Variants in LYPD8 observed in about 807,000 individuals in gnomAD.
LYPD8 encodes LY6/PLAUR domain containing 8.
LYPD8 carries 8 observed loss-of-function variants against 1.7 expected under a neutral mutation model. That is an observed-to-expected ratio of 4.58 (90% confidence interval 2.69 to 8.27). LYPD8 has a LOEUF of 8.27. Among genes scored for constraint, LYPD8 ranks in the 30% most tolerant of loss-of-function variants. The pLI is 0.00. For synonymous variants in LYPD8, 50 were observed against 43.6 expected, an observed-to-expected ratio of 1.15 and a Z score of -0.58; for missense variants, 112 against 102.3, an observed-to-expected ratio of 1.09 and a Z score of -0.41.
intron 4 of LYPD8, among the ~76,000 whole-genome samples, chr1:248,749,261 A>T (rs920626391): frequency 6.6e-6 from 1 of 152,180 alleles, no homozygotes; most frequent in Non-Finnish European, 1.5e-5. Context: ...AAAATGGGGG[A>T]TTTGGCTGGG....
At chr1:248,752,823 TCACACACACCACACCCCACA>T (rs1662833896) in intron 2 of LYPD8, among the ~76,000 whole-genome samples, 1 of 22,702 alleles carries the variant, frequency 4.4e-5, no homozygotes, top group Non-Finnish European at 7.5e-5. Context: ...ACACATCACA[TCACACACACCACACCCCACA>T]CACACACACC....
At chr1:248,741,482 C>T (rs929545524) in intron 6 of LYPD8, among the ~76,000 whole-genome samples, 7 of 152,236 alleles carry the variant, frequency 4.6e-5, no homozygotes, top group Non-Finnish European at 7.3e-5. Flanking sequence ...GCTGGGATTA[C>T]AGGCGTGAGC....
At chr1:248,754,846 A>G (rs972169798) in intron 2 of LYPD8, among the ~76,000 whole-genome samples, 2 of 151,750 alleles carry the variant, frequency 1.3e-5, no homozygotes, top group East Asian at 1.9e-4. Context: ...GCACCCCTAC[A>G]TGCCCGGGTG....
intron 6 of LYPD8, among the ~76,000 whole-genome samples, chr1:248,740,965 A>G (rs2103165038): frequency 6.6e-6 from 1 of 152,272 alleles, no homozygotes; most frequent in South Asian, 2.1e-4. Context: ...CAAAAAATTA[A>G]GTTATCCAGG....
intron 5 of LYPD8, among the ~76,000 whole-genome samples, chr1:248,746,588 C>T (rs1272567760): frequency 2.0e-5 from 3 of 149,908 alleles, no homozygotes; most frequent in Admixed American, 6.6e-5. Context: ...GGGCATCGCC[C>T]GCACGGCCAG....
chr1:248,743,482 A>G (rs1662659184), intron 6 of LYPD8, among the ~76,000 whole-genome samples: 1 of 152,194 alleles, frequency 6.6e-6, no homozygotes, highest in East Asian at 1.9e-4. Flanking sequence ...CAAAAAGACA[A>G]CAACCGAAAT....
intron 2 of LYPD8, among the ~76,000 whole-genome samples, chr1:248,754,047 CACAA>C (rs1459942194): frequency 6.7e-6 from 1 of 149,022 alleles, no homozygotes; most frequent in Non-Finnish European, 1.5e-5. Context: ...CATCACATGT[CACAA>C]ACACCACACA....
chr1:248,755,730 C>G lies in LYPD8; in HGVS notation c.-223G>C, dbSNP rs1662910824. 1 of 152,306 alleles carries G rather than the reference C, an allele frequency of 6.6e-6. No homozygotes were observed. 9.4% of individuals were successfully genotyped at this position (152,306 alleles called of 1,614,324 possible). On this transcript the variant is annotated 5_prime_UTR_variant, in exon 1 of 7. Coordinates refer to ENST00000590317, the MANE Select transcript of LYPD8 (RefSeq NM_001085474.2). ...CTTCTGGATCTGGCCTGGTGACTGT[C>G]CTACAGAAGGTGGTTCCCAGTAGAG...
At position 248,739,999 on chromosome 1, in the gene LYPD8, C is replaced by T. The variant is rs781938145; in HGVS notation, c.476-150G>A. The T allele has an allele frequency of 1.6e-5, 16 of 1,001,342 alleles. No individual in the cohort carries two copies. Among genetic ancestry groups the T allele is most frequent in the South Asian group, 1.3e-4 (8 of 61,770 alleles). 62.0% of individuals were successfully genotyped at this position (1,001,342 alleles called of 1,614,324 possible). On this transcript the variant is annotated intron_variant, in intron 6 of 6. Transcript: ENST00000590317. This position sits in a 1 kb window ranked among gnomAD's most constrained non-coding sequence, Gnocchi z 4.3. ...AGCCCAGGCAGGAAGAAGGAGCCTG[C>T]GTGTTCAGAGTCAAGAACACCACGC...
At chr1:248,752,906 C>A (rs1662838962) in intron 2 of LYPD8, among the ~76,000 whole-genome samples, 1 of 107,302 alleles carries the variant, frequency 9.3e-6, no homozygotes, top group South Asian at 3.1e-4. Context: ...ATCACACACA[C>A]CCCACACACC....
chr1:248,745,091 G>A (rs1662707352), intron 6 of LYPD8, 51 bp downstream of exon 6: 1 of 397,894 alleles, frequency 2.5e-6, no homozygotes, highest in Non-Finnish European at 4.4e-6. Context: ...ACCAAGACTT[G>A]ACATGTTTCC....
chr1:248,750,588 A>C lies in LYPD8; in HGVS notation c.108T>G (p.Ile36Met). Residue 36 changes from isoleucine (I) to methionine (M), a missense_variant, in exon 4 of 7, where the codon ATT (isoleucine) becomes ATG (methionine). Transcript: ENST00000590317. ...TGGCATGTGAGGGACATTCAGAGGC[A>C]ATGCTGTTGACACAGGATTTTTCCC... ...NSWEKSCVNS[I>M]ASECPSHANT... 1 of 398,618 alleles carries C rather than the reference A, an allele frequency of 2.5e-6. No individual in the cohort carries two copies. The highest frequency in any genetic ancestry group is 4.4e-6 in the Non-Finnish European group (1 of 226,078). The allele number at this position is 398,618 out of a possible 1,614,324, so 24.7% of individuals were successfully genotyped here. A position where few individuals can be genotyped will look rare whatever the true frequency, so the allele number is the denominator to read the frequency against.
intron 5 of LYPD8, among the ~76,000 whole-genome samples, chr1:248,746,624 G>A (rs1287243947): frequency 1.4e-3 from 170 of 120,812 alleles, no homozygotes; most frequent in East Asian, 5.5e-4. Context: ...TCCCCCGCAC[G>A]GCCAGCACCC....
At position 248,748,328 on chromosome 1, in the gene LYPD8, A is replaced by G. The variant is rs1293057676; in HGVS notation, c.298T>C (p.Cys100Arg). 2 of 468,990 alleles carry G rather than the reference A, an allele frequency of 4.3e-6. No homozygotes were observed. Among genetic ancestry groups the G allele is most frequent in the Non-Finnish European group, 7.4e-6 (2 of 268,780 alleles). The allele number at this position is 468,990 out of a possible 1,614,324, so 29.1% of individuals were successfully genotyped here. Reference protein sequence around the residue: ...EEHFHFVSQCCQGKECSNTSD... With the variant: ...EEHFHFVSQCRQGKECSNTSD... ...GTGTTGCTGCATTCCTTTCCTTGGC[A>G]GCACTGGCTTACAAAATGAAAGTGT... Residue 100 changes from cysteine (C) to arginine (R), a missense_variant, in exon 5 of 7, where the codon TGC becomes CGC. Physicochemically the swap from Cys to Arg is radical, Grantham distance 180 (BLOSUM62 -3). Transcript: ENST00000590317.
rs1306394036 is a variant in LYPD8 at position 248,753,596 on chromosome 1, AAC to A, written c.-50+1641_-50+1642del. 5.7e-4 allele frequency among the ~76,000 whole-genome samples: 62 copies of A among 109,452 alleles called. 1 individual carries two copies. Among genetic ancestry groups the A allele is most frequent in the African/African-American group, 2.1e-3 (54 of 25,922 alleles). The allele number at this position is 109,452 out of a possible 152,430, so 71.8% of individuals were successfully genotyped here. ...ACACCCCACACAACACACACAACAC[AAC>A]ACACACACCACACACCCCACACAAC... On this transcript the variant is annotated intron_variant, in intron 2 of 6. Transcript: ENST00000590317.
At chr1:248,744,444 T>G (rs1662686696) in intron 6 of LYPD8, among the ~76,000 whole-genome samples, 1 of 152,264 alleles carries the variant, frequency 6.6e-6, no homozygotes, top group East Asian at 1.9e-4. Context: ...TATTAACCTT[T>G]AACTGTTTGG....
chr1:248,753,931 C>T (rs1406995876), intron 2 of LYPD8, among the ~76,000 whole-genome samples: 1 of 148,070 alleles, frequency 6.8e-6, no homozygotes, highest in Non-Finnish European at 1.5e-5. Context: ...ACACAACACA[C>T]ACAACACATA....
At chr1:248,745,044 CT>C (rs1306366020) in intron 6 of LYPD8, 97 bp downstream of exon 6, 1 of 395,768 alleles carries the variant, frequency 2.5e-6, no homozygotes, top group Non-Finnish European at 4.5e-6. Context: ...TGTCCCACGA[CT>C]CCCCTGGTCC....
rs1333346186 is a variant in LYPD8, at chr1:248,755,340, C to A, written c.-151G>T. 6.6e-6 allele frequency: 1 copy of A among 152,236 alleles called. No homozygotes were observed. The highest frequency in any genetic ancestry group is 1.5e-5 in the Non-Finnish European group (1 of 68,056). The allele number at this position is 152,236 out of a possible 1,614,324, so 9.4% of individuals were successfully genotyped here. On this transcript the variant is annotated 5_prime_UTR_variant, in exon 2 of 7. Coordinates refer to ENST00000590317, the MANE Select transcript of LYPD8 (RefSeq NM_001085474.2). ...TTTTCGACAGCCTGGCAGGGTCCTG[C>A]TATAATTGCTGTCATCTTCCACAGA...
Sources: allele counts gnomAD v4.1 joint callset (sites outside exome capture counted in the v4.1 genomes callset), GRCh38; gene constraint gnomAD v4.1.1; non-coding constraint Gnocchi (gnomAD v3.1); transcripts MANE v1.5; gene names NCBI Gene and HGNC (gene_info 2026-07-23, HGNC 2026-07-21).